ARHGEF28: variants seen among roughly 807,000 people sequenced by gnomAD.
The protein encoded by ARHGEF28 is Rho guanine nucleotide exchange factor 28, also known as 190 kDa guanine nucleotide exchange factor.
In ARHGEF28, 152 loss-of-function variants were observed where a neutral mutation model predicts 206.6. The ratio of observed to expected loss-of-function variants is 0.74; its 90% confidence interval spans 0.64 to 0.84. ARHGEF28 has a LOEUF of 0.84. ARHGEF28 is among the 40% of genes least tolerant of loss of function. The pLI is 0.00. For missense variants in ARHGEF28, 2,028 were observed against 2,073.2 expected (o/e 0.98, Z 0.42); for synonymous variants, 763 against 776.4 (o/e 0.98, Z 0.29).
chr5:73,879,753 C>T (rs924968289), intron 22 of ARHGEF28, among the ~76,000 whole-genome samples: 5 of 152,114 alleles, frequency 3.3e-5, no homozygotes, highest in African/African-American at 9.7e-5. Flanking sequence ...TTTTGTGAAC[C>T]GCGAATGCTG....
At chr5:73,773,378 C>T (rs745949009) in intron 4 of ARHGEF28, among the ~76,000 whole-genome samples, 7 of 152,298 alleles carry the variant, frequency 4.6e-5, no homozygotes, top group East Asian at 3.9e-4. Flanking sequence ...ATTTCTCTTG[C>T]GGCTTCTTAT....
At chr5:73,874,409 TA>T (rs1321757686) in intron 22 of ARHGEF28, among the ~76,000 whole-genome samples, 5 of 152,224 alleles carry the variant, frequency 3.3e-5, no homozygotes, top group African/African-American at 1.2e-4. Context: ...TATTTATTTT[TA>T]TTTTTTTGTT....
intron 2 of ARHGEF28, among the ~76,000 whole-genome samples, chr5:73,744,542 A>AT (rs5868692): frequency 0.31 from 46,369 of 151,314 alleles, 7,349 homozygotes; most frequent in African/African-American, 0.37. Context: ...CTCTGTATAG[A>AT]TTTTTTTTTC....
At chr5:73,940,207 TAC>T (rs1402105800) in intron 35 of ARHGEF28, among the ~76,000 whole-genome samples, 1 of 152,186 alleles carries the variant, frequency 6.6e-6, no homozygotes, top group Non-Finnish European at 1.5e-5. Context: ...AAAGGGAGAA[TAC>T]ACAGTGTCCT....
rs1176383107 is a variant in ARHGEF28 at position 73,840,894 on chromosome 5, T to A, written c.1427+134T>A. The A allele has an allele frequency of 5.2e-6, 5 of 963,522 alleles. No individual in the cohort carries two copies. In the Admixed American group the frequency reaches 1.2e-4, roughly 23 times the overall value. 59.7% of individuals were successfully genotyped at this position (963,522 alleles called of 1,614,324 possible). Reference sequence around the variant, plus strand: ...CCCATCAAAATGTCCCCTTTTAGGTTCCTATATTCACTGATTTGAAAGTAA... The same window carrying A: ...CCCATCAAAATGTCCCCTTTTAGGTACCTATATTCACTGATTTGAAAGTAA... On this transcript the variant is annotated intron_variant, in intron 11 of 35. Coordinates refer to ENST00000513042, the MANE Select transcript of ARHGEF28 (RefSeq NM_001177693.2).
intron 2 of ARHGEF28, among the ~76,000 whole-genome samples, chr5:73,710,608 T>C (rs1038144237): frequency 2.6e-5 from 4 of 152,348 alleles, no homozygotes; most frequent in Middle Eastern, 6.8e-3. Context: ...TATTTAAAAA[T>C]GCTTTGCTAA....
chr5:73,810,173 A>G (rs1755759151), intron 9 of ARHGEF28, among the ~76,000 whole-genome samples: 1 of 152,218 alleles, frequency 6.6e-6, no homozygotes. Flanking sequence ...TTAACTGTTC[A>G]TGGCTAGTCA....
intron 1 of ARHGEF28, among the ~76,000 whole-genome samples, chr5:73,631,882 C>A (rs1743388867): frequency 6.6e-6 from 1 of 152,142 alleles, no homozygotes; most frequent in African/African-American, 2.4e-5. Context: ...CTGTAACCTT[C>A]AACTAACTTA....
At chr5:73,905,019 G>A (rs1580078587) in intron 33 of ARHGEF28, 1 of 152,382 alleles carries the variant, frequency 6.6e-6, no homozygotes, top group African/African-American at 2.4e-5. Flanking sequence ...TAAATGGTTG[G>A]ATGATCCCTT....
intron 5 of ARHGEF28, among the ~76,000 whole-genome samples, chr5:73,775,205 A>G (rs6864010): frequency 0.061 from 9,264 of 152,254 alleles, 580 homozygotes; most frequent in East Asian, 0.18. Context: ...GGCACACTTC[A>G]TCTGTTGGTA....
chr5:73,799,562 G>A (rs1215265159), intron 9 of ARHGEF28, among the ~76,000 whole-genome samples: 1 of 152,194 alleles, frequency 6.6e-6, no homozygotes, highest in Non-Finnish European at 1.5e-5. Flanking sequence ...GTGTGAGTGA[G>A]GTTGTGGGTG....
At chr5:73,701,549 A>T (rs1186777647) in intron 2 of ARHGEF28, among the ~76,000 whole-genome samples, 1 of 152,154 alleles carries the variant, frequency 6.6e-6, no homozygotes, top group Non-Finnish European at 1.5e-5. Context: ...TCAGAATTGC[A>T]AGTATCTTCA....
intron 2 of ARHGEF28, among the ~76,000 whole-genome samples, chr5:73,720,078 T>C (rs1749843300): frequency 6.6e-6 from 1 of 152,268 alleles, no homozygotes; most frequent in Non-Finnish European, 1.5e-5. Flanking sequence ...AATGAGTTCC[T>C]ATAAAATACA....
intron 31 of ARHGEF28, chr5:73,902,654 ATTTCTGAAAGAATAT>A (rs1027957726): frequency 6.6e-6 from 1 of 152,246 alleles, no homozygotes; most frequent in Non-Finnish European, 1.5e-5. Context: ...GTTAGAACAA[ATTTCTGAAAGAATAT>A]TAAAAAATGA....
At chr5:73,811,553 C>G (rs534119238) in intron 9 of ARHGEF28, among the ~76,000 whole-genome samples, 1 of 152,190 alleles carries the variant, frequency 6.6e-6, no homozygotes, top group African/African-American at 2.4e-5. Flanking sequence ...TGTAAATGCT[C>G]TTCCACAAGA....
intron 35 of ARHGEF28, among the ~76,000 whole-genome samples, chr5:73,930,938 T>C (rs1764084241): frequency 6.6e-6 from 1 of 152,222 alleles, no homozygotes. Context: ...CTCTCCTGTG[T>C]TGAAACCTCT....
intron 2 of ARHGEF28, among the ~76,000 whole-genome samples, chr5:73,691,417 T>C (rs1281103874): frequency 2.0e-5 from 3 of 152,182 alleles, no homozygotes. Flanking sequence ...TTCCCGTTCC[T>C]GTACTCTGAG....
chr5:73,674,878 A>T (rs994919382), intron 1 of ARHGEF28, among the ~76,000 whole-genome samples: 5 of 152,140 alleles, frequency 3.3e-5, no homozygotes, highest in African/African-American at 1.2e-4. Context: ...AGGGTGGCAC[A>T]CCCAGGGGAG....
rs151098172 is a variant in ARHGEF28, at chr5:73,652,902, G to T, written c.-12+26580G>T. ...CAAATCTCCTCATTCCTGGACCATTGGTTTTTCAGTGATGCCTCAGGGTGC... is the reference window on the plus strand; with the variant it reads ...CAAATCTCCTCATTCCTGGACCATTTGTTTTTCAGTGATGCCTCAGGGTGC... On this transcript the variant is annotated intron_variant, in intron 1 of 35. Coordinates refer to ENST00000513042, the MANE Select transcript of ARHGEF28 (RefSeq NM_001177693.2). Among the ~76,000 whole-genome samples, 1,476 of 152,184 alleles carry T rather than the reference G, an allele frequency of 9.7e-3. 26 individuals are homozygous for T. The highest frequency in any genetic ancestry group is 0.033 in the African/African-American group (1,383 of 41,528).
Sources: allele counts gnomAD v4.1 joint callset (sites outside exome capture counted in the v4.1 genomes callset), GRCh38; gene constraint gnomAD v4.1.1; transcripts MANE v1.5; gene names NCBI Gene and HGNC (gene_info 2026-07-23, HGNC 2026-07-21).